THSD7A: variants seen among roughly 807,000 people sequenced by gnomAD.
The protein encoded by THSD7A is thrombospondin type 1 domain containing 7A, also known as thrombospondin type-1 domain-containing protein 7A.
A neutral mutation model predicts 231.3 loss-of-function variants in THSD7A; 96 were observed. That is an observed-to-expected ratio of 0.41 (90% CI 0.35 to 0.49). The LOEUF is 0.49. Among genes scored for constraint, THSD7A ranks in the 20% least tolerant of loss-of-function variants. The pLI, the probability that THSD7A is intolerant of heterozygous loss-of-function variation, is 0.05. For missense variants in THSD7A, 2,290 were observed against 2,070.2 expected (o/e 1.11, Z -2.06); for synonymous variants, 940 against 743.3 (o/e 1.26, Z -4.30).
chr7:11,688,552 C>A (rs1209544688), intron 1 of THSD7A, among the ~76,000 whole-genome samples: 2 of 151,834 alleles, frequency 1.3e-5, no homozygotes, highest in South Asian at 4.1e-4. Context: ...TTACAGAATA[C>A]ACAGAGTGAC....
intron 9 of THSD7A, among the ~76,000 whole-genome samples, chr7:11,467,954 G>T (rs1284466036): frequency 6.6e-6 from 1 of 151,814 alleles, no homozygotes; most frequent in Non-Finnish European, 1.5e-5. Context: ...GACTACTCTG[G>T]AATCAATTTA....
intron 25 of THSD7A, 142 bp from the exon 26 acceptor site, chr7:11,379,422 G>C: frequency 2.2e-6 from 2 of 916,344 alleles, no homozygotes; most frequent in South Asian, 3.5e-5. Flanking sequence ...TAACTACAAA[G>C]AAACATACTT....
chr7:11,830,980 C>A (rs1452763702), intron 1 of THSD7A, among the ~76,000 whole-genome samples: 2 of 152,214 alleles, frequency 1.3e-5, no homozygotes, highest in South Asian at 4.1e-4. Flanking sequence ...AGAGAGAAAG[C>A]GAACCCGCAG....
At chr7:11,469,503 A>AT (rs894128529) in intron 9 of THSD7A, among the ~76,000 whole-genome samples, 9 of 152,170 alleles carry the variant, frequency 5.9e-5, no homozygotes, top group Admixed American at 5.2e-4. Flanking sequence ...GTCCCATGTT[A>AT]TTTTTTGCCA....
At position 11,769,117 on chromosome 7, in the gene THSD7A, CTGG is replaced by C. The variant is rs1373983332; in HGVS notation, c.190+62637_190+62639del. On this transcript the variant is annotated intron_variant, in intron 1 of 27. Transcript: ENST00000423059. ...CGATTACAGGCACCTGCCATAATTC[CTGG>C]CAATATATATATATATATATATATA... 5.0e-4 allele frequency among the ~76,000 whole-genome samples: 41 copies of C among 82,644 alleles called. 1 individual carries two copies. Among genetic ancestry groups the C allele is most frequent in the Non-Finnish European group, 6.7e-4 (30 of 44,884 alleles). The allele number at this position is 82,644 out of a possible 152,430, so 54.2% of individuals were successfully genotyped here. A position where few individuals can be genotyped will look rare whatever the true frequency, so the allele number is the denominator to read the frequency against.
chr7:11,786,651 T>C (rs888434356), intron 1 of THSD7A, among the ~76,000 whole-genome samples: 1 of 151,262 alleles, frequency 6.6e-6, no homozygotes, highest in Non-Finnish European at 1.5e-5. Context: ...AACCACCATT[T>C]AAAAACAAAC....
At chr7:11,564,414 T>G (rs1790215897) in intron 4 of THSD7A, among the ~76,000 whole-genome samples, 1 of 152,208 alleles carries the variant, frequency 6.6e-6, no homozygotes, top group East Asian at 1.9e-4. Context: ...GTCAGCAAGT[T>G]AGGAGGATAT....
At chr7:11,612,639 T>C (rs919629256) in intron 2 of THSD7A, among the ~76,000 whole-genome samples, 8 of 152,194 alleles carry the variant, frequency 5.3e-5, no homozygotes, top group African/African-American at 1.9e-4. Context: ...GAGTCAGACA[T>C]TTTAATATAG....
intron 15 of THSD7A, among the ~76,000 whole-genome samples, chr7:11,425,398 A>G (rs181970610): frequency 1.3e-4 from 20 of 152,266 alleles, no homozygotes; most frequent in Non-Finnish European, 2.1e-4. Flanking sequence ...AAATAAAGCC[A>G]TCTTAAAACT....
Position 11,637,840 on chromosome 7 carries a change from T to A in THSD7A, c.191-879A>T, listed in dbSNP as rs1381566396. Among the ~76,000 whole-genome samples the A allele has an allele frequency of 6.6e-6, 1 of 152,218 alleles. No homozygotes were observed. The highest frequency in any genetic ancestry group is 1.5e-5 in the Non-Finnish European group (1 of 68,044). On this transcript the variant is annotated intron_variant, in intron 1 of 27. Coordinates refer to ENST00000423059, the MANE Select transcript of THSD7A (RefSeq NM_015204.3). The surrounding 1 kb of genome is among the most constrained non-coding windows in gnomAD (Gnocchi z 4.2). The stretch of plus-strand genomic sequence containing the variant: ...CTTTATATTCACATATATTATTTTT[T>A]TCTAAGGTAGATGATATGATTTTCA...
chr7:11,426,074 T>TA (rs140925193), intron 15 of THSD7A, among the ~76,000 whole-genome samples: 47,271 of 147,954 alleles, frequency 0.32, 7,526 homozygotes, highest in Non-Finnish European at 0.36. Context: ...AAAAAAACAT[T>TA]AAAAAAAAAA....
chr7:11,584,667 C>T (rs751283585), intron 4 of THSD7A, among the ~76,000 whole-genome samples: 57 of 152,112 alleles, frequency 3.7e-4, no homozygotes, highest in Non-Finnish European at 4.6e-4. Flanking sequence ...TGAAAATAGC[C>T]TTAAGATGAG....
At chr7:11,630,231 T>A (rs1242171119) in intron 2 of THSD7A, among the ~76,000 whole-genome samples, 1 of 152,168 alleles carries the variant, frequency 6.6e-6, no homozygotes, top group Non-Finnish European at 1.5e-5. Context: ...CAAAAAGAGA[T>A]AAGCTGTGTT....
Position 11,636,592 on chromosome 7 carries a change from C to A in THSD7A, c.560G>T (p.Cys187Phe). 6.2e-7 allele frequency: 1 copy of A among 1,613,998 alleles called. No homozygotes were observed. The highest frequency in any genetic ancestry group is 8.5e-7 in the Non-Finnish European group (1 of 1,179,902). Residue 187 changes from cysteine to phenylalanine, a missense_variant, in exon 2 of 28, where the codon TGC becomes TTC. By Grantham distance (205) the Cys-to-Phe change is radical. Coordinates refer to ENST00000423059, the MANE Select transcript of THSD7A (RefSeq NM_015204.3). The surrounding 1 kb of genome is among the most constrained non-coding windows in gnomAD (Gnocchi z 10.0). Reference sequence around the variant, plus strand: ...GCAATCTTGCTGGCAAGGAATGAGGCAAGCCTGCTCCAGGAGAGGCTTGGG... The same window carrying A: ...GCAATCTTGCTGGCAAGGAATGAGGAAAGCCTGCTCCAGGAGAGGCTTGGG... ...FEPKPLLEQA[C>F]LIPCQQDCIV...
chr7:11,796,180 T>G (rs966349827), intron 1 of THSD7A, among the ~76,000 whole-genome samples: 2 of 150,550 alleles, frequency 1.3e-5, no homozygotes, highest in East Asian at 3.9e-4. Flanking sequence ...TTGAATCATA[T>G]GAGTTTCATG....
intron 4 of THSD7A, among the ~76,000 whole-genome samples, chr7:11,560,157 C>T (rs1230078259): frequency 6.6e-6 from 1 of 151,748 alleles, no homozygotes; most frequent in Non-Finnish European, 1.5e-5. Flanking sequence ...AAAAGCAAGC[C>T]GAAGAATATA....
chr7:11,800,921 A>G (rs1219627738), intron 1 of THSD7A, among the ~76,000 whole-genome samples: 1 of 152,132 alleles, frequency 6.6e-6, no homozygotes, highest in Non-Finnish European at 1.5e-5. Context: ...AAAGAACACA[A>G]AGAAATTTCT....
chr7:11,651,207 C>T (rs189486275), intron 1 of THSD7A, among the ~76,000 whole-genome samples: 3 of 152,076 alleles, frequency 2.0e-5, no homozygotes, highest in Admixed American at 6.6e-5. Flanking sequence ...TGTATGATCC[C>T]ATTTATATGA....
chr7:11,723,023 C>A (rs1323285730), intron 1 of THSD7A, among the ~76,000 whole-genome samples: 1 of 151,950 alleles, frequency 6.6e-6, no homozygotes, highest in African/African-American at 2.4e-5. Flanking sequence ...AAGACACATG[C>A]ACACGTATGT....
Sources: gnomAD v4.1 joint callset for allele counts (sites outside exome capture counted in the v4.1 genomes callset) on GRCh38, gnomAD v4.1.1 for gene constraint, Gnocchi (gnomAD v3.1) non-coding constraint, MANE v1.5 for transcripts, NCBI Gene and HGNC (gene_info 2026-07-23, HGNC 2026-07-21) for gene names.